Variants in AGO3 observed in about 807,000 individuals in gnomAD.
The protein encoded by AGO3 is protein argonaute-3.
AGO3 carries 16 observed loss-of-function variants against 105.5 expected under a neutral mutation model. That is an observed-to-expected ratio of 0.15 (90% CI 0.10 to 0.23). The LOEUF (loss-of-function observed/expected upper bound fraction) is 0.23, where lower values mean the gene tolerates loss of function less well. Ranked by LOEUF, AGO3 falls within the 10% of genes least tolerant of loss-of-function variation. AGO3 has a pLI of 1.00. For synonymous variants in AGO3, 340 were observed against 367.3 expected, an observed-to-expected ratio of 0.93 and a Z score of 0.85; for missense variants, 534 against 1,088.0, an observed-to-expected ratio of 0.49 and a Z score of 7.16.
intron 2 of AGO3, among the ~76,000 whole-genome samples, chr1:35,949,030 A>G (rs1234617473): frequency 6.6e-6 from 1 of 151,872 alleles, no homozygotes; most frequent in East Asian, 1.9e-4. Context: ...TGCAGCCTCC[A>G]TCTCCTGGGT....
At position 35,972,283 on chromosome 1, in the gene AGO3, A is replaced by G. The variant is rs575966439; in HGVS notation, c.521+51A>G. On this transcript the variant is annotated intron_variant, in intron 4 of 18. Transcript: ENST00000373191. ...TTAGATTTTAAACTCCCAAGAATGA[A>G]TTGTGCAGGCTTCCCTTGGTTAAAC... 9 of 1,572,158 alleles carry G rather than the reference A, an allele frequency of 5.7e-6. No homozygotes were observed. The South Asian group carries it at 9.0e-5, about 16-fold the overall frequency.
intron 2 of AGO3, among the ~76,000 whole-genome samples, chr1:35,948,338 C>T (rs1646406565): frequency 6.6e-6 from 1 of 151,920 alleles, no homozygotes. Flanking sequence ...CTGCCTCAGC[C>T]TCCCGAGTAG....
At chr1:35,941,928 A>T (rs1289104449) in intron 1 of AGO3, among the ~76,000 whole-genome samples, 1 of 152,166 alleles carries the variant, frequency 6.6e-6, no homozygotes, top group Non-Finnish European at 1.5e-5. Context: ...GAATTTGTGG[A>T]TTTTCTAAGT....
rs1177945809 is a variant in AGO3 at position 35,982,567 on chromosome 1, G to T, written c.658+9056G>T. On this transcript the variant is annotated intron_variant, in intron 5 of 18. Coordinates refer to ENST00000373191, the MANE Select transcript of AGO3 (RefSeq NM_024852.4). The stretch of plus-strand genomic sequence containing the variant: ...AACTTCTCTCTATCCTTTAGATAGG[G>T]ATACTTCAAAGGTTTTTAAGAAGGA... 7.1e-6 allele frequency: 5 copies of T among 703,744 alleles called. No homozygotes were observed. In the East Asian group the frequency reaches 1.4e-4, roughly 19 times the overall value. The allele number at this position is 703,744 out of a possible 1,614,324, so 43.6% of individuals were successfully genotyped here.
intron 1 of AGO3, among the ~76,000 whole-genome samples, chr1:35,932,991 A>G (rs933686857): frequency 0.023 from 2 of 86 alleles, no homozygotes; most frequent in African/African-American, 0.091. Context: ...CTTAGAAAAC[A>G]TTTGTTACAT....
At chr1:35,943,301 C>CT (rs533801617) in intron 1 of AGO3, among the ~76,000 whole-genome samples, 13,371 of 124,394 alleles carry the variant, frequency 0.11, 1,654 homozygotes, top group East Asian at 0.64. Context: ...CCATGCCCAT[C>CT]TTTTTTTTTT....
intron 1 of AGO3, among the ~76,000 whole-genome samples, chr1:35,941,283 C>T (rs1646249093): frequency 6.6e-6 from 1 of 151,494 alleles, no homozygotes; most frequent in Non-Finnish European, 1.5e-5. Context: ...ACTCCCCTAA[C>T]TGTACTACTG....
rs569882338 is a variant in AGO3 at position 36,065,142 on chromosome 1, G to C, written c.*9397G>C. 1 of 150,436 alleles carries C rather than the reference G, an allele frequency of 6.6e-6. No homozygotes were observed. Among genetic ancestry groups the C allele is most frequent in the South Asian group, 2.1e-4 (1 of 4,686 alleles). The allele number at this position is 150,436 out of a possible 1,614,324, so 9.3% of individuals were successfully genotyped here. ...AGATCACACCACTGCACTCCAGCCT[G>C]GGCGACAGAGCAAGACTCCGTCTCA... On this transcript the variant is annotated 3_prime_UTR_variant, in exon 19 of 19. Transcript: ENST00000373191.
At chr1:36,037,935 G>A (rs1000953880) in intron 14 of AGO3, among the ~76,000 whole-genome samples, 11 of 152,022 alleles carry the variant, frequency 7.2e-5, no homozygotes, top group Admixed American at 3.9e-4. Flanking sequence ...TACTAAATCC[G>A]TTTCTACCAA....
intron 9 of AGO3, among the ~76,000 whole-genome samples, chr1:36,010,489 A>G (rs1159502062): frequency 6.6e-6 from 1 of 151,400 alleles, no homozygotes; most frequent in Non-Finnish European, 1.5e-5. Flanking sequence ...CTGTAATCCC[A>G]GCTAGTCAGG....
At position 35,999,289 on chromosome 1, in the gene AGO3, G is replaced by A. The variant is rs544518497; in HGVS notation, c.659-5052G>A. 1.8e-3 allele frequency among the ~76,000 whole-genome samples: 281 copies of A among 152,162 alleles called. 4 individuals are homozygous for A. Among genetic ancestry groups the A allele is most frequent in the Middle Eastern group, 3.4e-3 (1 of 294 alleles). ...CAGGAGACAGAGGTTGCAGTTAGCC[G>A]AGATTACGCCACTGCACTCCAGCAG... On this transcript the variant is annotated intron_variant, in intron 5 of 18. Transcript: ENST00000373191.
upstream of AGO3, chr1:35,930,732 C>T: frequency 6.5e-6 from 1 of 154,734 alleles, no homozygotes; most frequent in Non-Finnish European, 1.4e-5. Flanking sequence ...AGGAGGGTGG[C>T]CCTACCCCAG....
In AGO3 at chr1:36,072,117, C is replaced by T. The variant is rs936166154; in HGVS notation, c.*16372C>T. ...TATCTTCCCCACAAAAAATATTATA[C>T]TTCAGTTAAACTATCTTCCCCACAG... On this transcript the variant is annotated 3_prime_UTR_variant, in exon 19 of 19. Transcript: ENST00000373191. 2 of 152,130 alleles carry T rather than the reference C, an allele frequency of 1.3e-5. No homozygotes were observed. Among genetic ancestry groups the T allele is most frequent in the Non-Finnish European group, 2.9e-5 (2 of 68,028 alleles). 9.4% of individuals were successfully genotyped at this position (152,130 alleles called of 1,614,324 possible).
At chr1:36,050,241 T>A (rs973686343) in intron 17 of AGO3, among the ~76,000 whole-genome samples, 6 of 152,108 alleles carry the variant, frequency 3.9e-5, no homozygotes, top group African/African-American at 1.4e-4. Context: ...ATCCCAGTAC[T>A]TTGGGAGGCC....
intron 14 of AGO3, among the ~76,000 whole-genome samples, chr1:36,037,666 C>T (rs1417400209): frequency 6.6e-6 from 1 of 152,036 alleles, no homozygotes; most frequent in Admixed American, 6.5e-5. Flanking sequence ...AAACTATTTT[C>T]ATTAGTAAAG....
chr1:35,999,699 A>G (rs1357216262), intron 5 of AGO3, among the ~76,000 whole-genome samples: 6 of 152,140 alleles, frequency 3.9e-5, no homozygotes, highest in Admixed American at 3.9e-4. Context: ...ATTTATTTTT[A>G]TATGTAGACC....
In AGO3 at chr1:36,066,958, T is replaced by G. The variant is rs1388418148; in HGVS notation, c.*11213T>G. The G allele has an allele frequency of 6.6e-6, 1 of 152,176 alleles. No homozygotes were observed. The highest frequency in any genetic ancestry group is 1.5e-5 in the Non-Finnish European group (1 of 68,034). 9.4% of individuals were successfully genotyped at this position (152,176 alleles called of 1,614,324 possible). ...AGACGAGCGTCTCTGTAATCTAAAT[T>G]TATATGATAATGTTGTCCCAGACCC... is the stretch of plus-strand genomic sequence containing the variant. On this transcript the variant is annotated 3_prime_UTR_variant, in exon 19 of 19. Transcript: ENST00000373191.
At chr1:35,990,591 AG>A (rs1180214515) in intron 5 of AGO3, among the ~76,000 whole-genome samples, 1 of 152,232 alleles carries the variant, frequency 6.6e-6, no homozygotes, top group East Asian at 1.9e-4. Context: ...TTTTGCTTTT[AG>A]TAAAAAGTAG....
At chr1:35,985,866 A>G (rs1647163332) in intron 5 of AGO3, among the ~76,000 whole-genome samples, 1 of 152,230 alleles carries the variant, frequency 6.6e-6, no homozygotes, top group Non-Finnish European at 1.5e-5. Context: ...ACTTTACAAA[A>G]TATAAGAACA....
Sources: gnomAD v4.1 joint callset for allele counts (sites outside exome capture counted in the v4.1 genomes callset) on GRCh38, gnomAD v4.1.1 for gene constraint, MANE v1.5 for transcripts, NCBI Gene and HGNC (gene_info 2026-07-23, HGNC 2026-07-21) for gene names.